The following SIRT4 variants were observed in gnomAD, a reference collection of about 807,000 sequenced individuals.
The protein encoded by SIRT4 is NAD-dependent protein lipoamidase sirtuin-4, mitochondrial.
SIRT4 carries 23 observed loss-of-function variants against 26.1 expected under a neutral mutation model. The observed-to-expected ratio is 0.88, with a 90% CI of 0.63 to 1.25. The LOEUF is 1.25. Ranked by LOEUF, SIRT4 falls within the 50% of genes most tolerant of loss-of-function variation. The pLI is 0.00. For missense variants in SIRT4, 361 were observed against 405.4 expected, an observed-to-expected ratio of 0.89 and a Z score of 0.94; for synonymous variants, 155 against 158.4, an observed-to-expected ratio of 0.98 and a Z score of 0.16.
chr12:120,312,575 T>C lies in SIRT4; in HGVS notation c.617T>C (p.Phe206Ser), dbSNP rs1873028120. ...AHGLAPDGDV[F>S]LSEEQVRSFQ... is the part of the protein sequence containing the mutation. The stretch of plus-strand genomic sequence containing the variant: ...GGCCTGGCTCCTGATGGTGACGTCT[T>C]TCTCTCAGAGGAGCAAGTCCGGAGC... Residue 206 changes from phenylalanine (F) to serine (S), a missense_variant, in exon 3 of 4, where the codon TTT (phenylalanine) becomes TCT (serine). Phe to Ser is a radical substitution (Grantham distance 155, BLOSUM62 -2). Transcript: ENST00000202967. 6.2e-7 allele frequency: 1 copy of C among 1,614,158 alleles called. No homozygotes were observed.
chr12:120,293,160 T>C, the SIRT4 span: 8 of 152,094 alleles, frequency 5.3e-5, no homozygotes, highest in Non-Finnish European at 1.2e-4. Context: ...CGGCGGGGTA[T>C]TGGGAAAAGT....
chr12:120,304,661 A>G (rs1019783731), intron 2 of SIRT4, among the ~76,000 whole-genome samples: 4 of 151,074 alleles, frequency 2.6e-5, no homozygotes, highest in African/African-American at 9.7e-5. Flanking sequence ...GAAAAAAAAA[A>G]GTTGAGGATG....
the SIRT4 span, among the ~76,000 whole-genome samples, chr12:120,297,232 A>AC: frequency 0.16 from 22,147 of 136,452 alleles, 2,035 homozygotes; most frequent in Non-Finnish European, 0.2. Context: ...CAAAATAAAT[A>AC]AATACATACA....
At chr12:120,296,504 G>GTTTTTT in the SIRT4 span, among the ~76,000 whole-genome samples, 1 of 124,292 alleles carries the variant, frequency 8.0e-6, no homozygotes. Context: ...CTTGTTTTGT[G>GTTTTTT]TTTTTTTTTT....
chr12:120,295,794 G>A, the SIRT4 span, among the ~76,000 whole-genome samples: 1 of 151,588 alleles, frequency 6.6e-6, no homozygotes, highest in Non-Finnish European at 1.5e-5. Flanking sequence ...GTGGTGGCTC[G>A]AGCGTGTAAT....
intron 2 of SIRT4, among the ~76,000 whole-genome samples, chr12:120,309,400 CTTTTT>C (rs934809069): frequency 6.7e-6 from 1 of 150,006 alleles, no homozygotes; most frequent in East Asian, 1.9e-4. Context: ...TCACAGGGGC[CTTTTT>C]TTCTTTTCTT....
the SIRT4 span, among the ~76,000 whole-genome samples, chr12:120,293,712 C>G: frequency 1.3e-5 from 2 of 152,082 alleles, no homozygotes; most frequent in South Asian, 4.1e-4. Context: ...TCACTACTTA[C>G]CTCCAGAACT....
In SIRT4 at chr12:120,303,631, T is replaced by C. The variant is rs779222815; in HGVS notation, c.70T>C (p.Cys24Arg). The C allele has an allele frequency of 1.2e-6, 2 of 1,614,154 alleles. No individual in the cohort carries two copies. Among genetic ancestry groups the C allele is most frequent in the Non-Finnish European group, 1.7e-6 (2 of 1,180,022 alleles). ...GRWIANPSQP[C>R]SKASIGLFVP... Reference sequence around the variant, plus strand: ...TTGGATCGCAAACCCCAGCCAGCCGTGCTCGAAAGCCTCCATTGGGTTATT... The same window carrying C: ...TTGGATCGCAAACCCCAGCCAGCCGCGCTCGAAAGCCTCCATTGGGTTATT... Residue 24 changes from cysteine (C) to arginine (R), a missense_variant, in exon 2 of 4, where the codon TGC becomes CGC. By Grantham distance (180) the Cys-to-Arg change is radical. Coordinates refer to ENST00000202967, the MANE Select transcript of SIRT4 (RefSeq NM_012240.3).
upstream of SIRT4, among the ~76,000 whole-genome samples, chr12:120,298,413 T>C (rs543763778): frequency 6.6e-6 from 1 of 151,370 alleles, no homozygotes; most frequent in African/African-American, 2.4e-5. Context: ...GGCAACATGG[T>C]GAAACCCCGT....
upstream of SIRT4, among the ~76,000 whole-genome samples, chr12:120,298,043 G>A (rs1872395057): frequency 6.6e-6 from 1 of 151,412 alleles, no homozygotes; most frequent in African/African-American, 2.4e-5. Context: ...GAAAAAAAAA[G>A]GGGGTGGCCG....
At chr12:120,301,359 AAACAAC>A (rs71753742), upstream of SIRT4, among the ~76,000 whole-genome samples, 52 of 151,774 alleles carry the variant, frequency 3.4e-4, no homozygotes, top group Admixed American at 1.1e-3. Context: ...ACAAACAAAC[AAACAAC>A]AACAACAACA....
chr12:120,306,416 G>A (rs546037304), intron 2 of SIRT4, among the ~76,000 whole-genome samples: 22 of 151,880 alleles, frequency 1.4e-4, no homozygotes, highest in African/African-American at 5.3e-4. Context: ...CGGAGGTTGC[G>A]GTGAGCCGAG....
the SIRT4 span, among the ~76,000 whole-genome samples, chr12:120,294,546 C>A: frequency 2.0e-5 from 3 of 151,966 alleles, no homozygotes; most frequent in Non-Finnish European, 4.4e-5. Flanking sequence ...CGTGAGCCAC[C>A]GCGCCCGGTC....
chr12:120,307,785 G>A (rs1340743987), intron 2 of SIRT4, among the ~76,000 whole-genome samples: 1 of 151,982 alleles, frequency 6.6e-6, no homozygotes, highest in Non-Finnish European at 1.5e-5. Flanking sequence ...TTGAACCCGG[G>A]AGGCAGAGGT....
At chr12:120,293,590 C>A in the SIRT4 span, among the ~76,000 whole-genome samples, 2 of 152,108 alleles carry the variant, frequency 1.3e-5, no homozygotes, top group South Asian at 2.1e-4. Context: ...TGTCTTTTTT[C>A]TTTTTCAAAC....
chr12:120,304,212 C>T (rs757634462), intron 2 of SIRT4, 154 bp downstream of exon 2: 3 of 580,084 alleles, frequency 5.2e-6, no homozygotes, highest in South Asian at 7.5e-5. Flanking sequence ...AATTCATTGA[C>T]GGAGCAAGGA....
In SIRT4 at chr12:120,303,678, G is replaced by A; in HGVS notation, c.117G>A (p.Leu39=). 1 of 1,614,092 alleles carries A rather than the reference G, an allele frequency of 6.2e-7. No individual in the cohort carries two copies. Among genetic ancestry groups the A allele is most frequent in the Non-Finnish European group, 8.5e-7 (1 of 1,180,030 alleles). ...IGLFVPASPP[L]DPEKVKELQR... ...TATTTGTGCCAGCAAGTCCTCCTCT[G>A]GACCCTGAGAAGGTCAAAGAGTTAC... Residue 39 remains leucine (L), a synonymous_variant, in exon 2 of 4, where the codon CTG becomes CTA. Transcript: ENST00000202967.
chr12:120,294,160 C>G, the SIRT4 span, among the ~76,000 whole-genome samples: 1 of 151,438 alleles, frequency 6.6e-6, no homozygotes, highest in East Asian at 1.9e-4. Context: ...CATGCCACCA[C>G]TCTTTGTATT....
At chr12:120,310,603 G>A (rs1162773610) in intron 2 of SIRT4, among the ~76,000 whole-genome samples, 1 of 151,990 alleles carries the variant, frequency 6.6e-6, no homozygotes, top group Non-Finnish European at 1.5e-5. Context: ...GGTTGTGGTG[G>A]CTCACACCTG....
Sources: gnomAD v4.1 joint callset for allele counts (sites outside exome capture counted in the v4.1 genomes callset) on GRCh38, gnomAD v4.1.1 for gene constraint, MANE v1.5 for transcripts, NCBI Gene and HGNC (gene_info 2026-07-23, HGNC 2026-07-21) for gene names.